CYP7B1: variants seen among roughly 807,000 people sequenced by gnomAD.
CYP7B1 encodes cytochrome P450 family 7 subfamily B member 1, also known as cytochrome P450 7B1.
A neutral mutation model predicts 42.7 loss-of-function variants in CYP7B1; 29 were observed. That is an observed-to-expected ratio of 0.68 (90% CI 0.51 to 0.93). The LOEUF is 0.93. CYP7B1 is among the 40% of genes least tolerant of loss of function. CYP7B1 has a pLI of 0.00. For synonymous variants in CYP7B1, 235 were observed against 218.2 expected (o/e 1.08, Z -0.68); for missense variants, 655 against 600.5 (o/e 1.09, Z -0.95).
intron 1 of CYP7B1, among the ~76,000 whole-genome samples, chr8:64,650,201 A>G (rs1220609403): frequency 6.6e-6 from 1 of 152,228 alleles, no homozygotes; most frequent in African/African-American, 2.4e-5. Flanking sequence ...AGAAAAATAT[A>G]TAAGTTGGTT....
rs13278548 is a variant in CYP7B1 at position 64,595,365 on chromosome 8, G to A, written c.*1277C>T. Among the ~76,000 whole-genome samples the A allele has an allele frequency of 0.95, 144,004 of 152,350 alleles. 68,172 individuals carry two copies. Among genetic ancestry groups the A allele is most frequent in the African/African-American group, 0.99 (41,020 of 41,576 alleles). ...GTTTCCTTTTCTCAAAACAGTAGCA[G>A]ATTTCTGAAATATTAGAAGTTCCAA... On this transcript the variant is annotated 3_prime_UTR_variant, in exon 6 of 6. Transcript: ENST00000310193.
At chr8:64,781,010 A>T (rs898793982) in intron 1 of CYP7B1, among the ~76,000 whole-genome samples, 1 of 152,192 alleles carries the variant, frequency 6.6e-6, no homozygotes, top group Non-Finnish European at 1.5e-5. Flanking sequence ...TGCTAGATGC[A>T]TAACAAACAT....
chr8:64,674,023 T>A (rs1806406557), intron 1 of CYP7B1, among the ~76,000 whole-genome samples: 1 of 152,072 alleles, frequency 6.6e-6, no homozygotes, highest in Admixed American at 6.6e-5. Context: ...TTTTCACCCC[T>A]TCCCTCCACT....
At chr8:64,718,331 C>T (rs1807188462) in intron 1 of CYP7B1, among the ~76,000 whole-genome samples, 1 of 152,132 alleles carries the variant, frequency 6.6e-6, no homozygotes, top group Non-Finnish European at 1.5e-5. Flanking sequence ...TTCTGATGCA[C>T]ATCTGTAAGA....
At chr8:64,785,508 T>C (rs1034975436) in intron 1 of CYP7B1, among the ~76,000 whole-genome samples, 4 of 152,166 alleles carry the variant, frequency 2.6e-5, no homozygotes, top group African/African-American at 9.7e-5. Context: ...CTATGTAATT[T>C]AGAATAATTG....
chr8:64,725,932 C>T (rs981818987), intron 1 of CYP7B1, among the ~76,000 whole-genome samples: 1 of 152,164 alleles, frequency 6.6e-6, no homozygotes, highest in South Asian at 2.1e-4. Flanking sequence ...CTCTGCTCAC[C>T]ACAACAATCC....
intron 4 of CYP7B1, among the ~76,000 whole-genome samples, chr8:64,612,804 C>T (rs1459168755): frequency 1.3e-5 from 2 of 151,888 alleles, no homozygotes; most frequent in Non-Finnish European, 2.9e-5. Context: ...GAACTCTTTC[C>T]TTAAGAAGAC....
chr8:64,707,871 CT>C (rs2129632604), intron 1 of CYP7B1, among the ~76,000 whole-genome samples: 1 of 152,110 alleles, frequency 6.6e-6, no homozygotes, highest in East Asian at 1.9e-4. Context: ...AAAGTATACT[CT>C]CTGGAAATAG....
chr8:64,677,870 GTTA>G (rs1806475608), intron 1 of CYP7B1, among the ~76,000 whole-genome samples: 1 of 151,946 alleles, frequency 6.6e-6, no homozygotes. Context: ...TCTCATTGTT[GTTA>G]TTATTACTGA....
chr8:64,680,594 C>T (rs1370398902), intron 1 of CYP7B1, among the ~76,000 whole-genome samples: 1 of 151,826 alleles, frequency 6.6e-6, no homozygotes, highest in Admixed American at 6.6e-5. Context: ...ATGGGCCCTT[C>T]GAAAATTAAA....
chr8:64,720,906 A>G (rs1277189769), intron 1 of CYP7B1, among the ~76,000 whole-genome samples: 3 of 151,968 alleles, frequency 2.0e-5, no homozygotes, highest in African/African-American at 7.2e-5. Flanking sequence ...GATTTAATCT[A>G]TTTGTAAATT....
rs146215971 is a variant in CYP7B1 at position 64,610,127 on chromosome 8, T to C, written c.1057+4899A>G. Reference sequence around the variant, plus strand: ...AGTTGATATTTAGATCTAAATACAATAATTTGCATTTTAATTAAAGTTGCT... The same window carrying C: ...AGTTGATATTTAGATCTAAATACAACAATTTGCATTTTAATTAAAGTTGCT... On this transcript the variant is annotated intron_variant, in intron 4 of 5. Coordinates refer to ENST00000310193, the MANE Select transcript of CYP7B1 (RefSeq NM_004820.5). Among the ~76,000 whole-genome samples the C allele has an allele frequency of 7.9e-5, 12 of 152,346 alleles. No homozygotes were observed. The East Asian group carries it at 1.5e-3, about 20-fold the overall frequency.
chr8:64,732,262 G>A (rs1462402141), intron 1 of CYP7B1, among the ~76,000 whole-genome samples: 1 of 152,204 alleles, frequency 6.6e-6, no homozygotes, highest in South Asian at 2.1e-4. Flanking sequence ...AGGCAGAGCT[G>A]CCCAAAGCCA....
chr8:64,613,112 C>G (rs73237764), intron 4 of CYP7B1, among the ~76,000 whole-genome samples: 3,330 of 152,260 alleles, frequency 0.022, 106 homozygotes, highest in African/African-American at 0.072. Context: ...TAACCAAGGT[C>G]GTGATGAACC....
At chr8:64,685,719 A>G (rs1404599721) in intron 1 of CYP7B1, among the ~76,000 whole-genome samples, 1 of 45,536 alleles carries the variant, frequency 2.2e-5, no homozygotes, top group African/African-American at 6.7e-5. Context: ...CAGCCACCCC[A>G]TCTGGGAAGT....
At chr8:64,718,990 G>T (rs753958271) in intron 1 of CYP7B1, among the ~76,000 whole-genome samples, 4 of 152,156 alleles carry the variant, frequency 2.6e-5, no homozygotes, top group Non-Finnish European at 5.9e-5. Flanking sequence ...TAGTTGTGAG[G>T]TCACTGGAAC....
intron 1 of CYP7B1, among the ~76,000 whole-genome samples, chr8:64,730,236 T>G (rs993016152): frequency 1.3e-5 from 2 of 152,044 alleles, no homozygotes; most frequent in African/African-American, 2.4e-5. Flanking sequence ...TAATTTTTTT[T>G]TTTTTGTATT....
rs121908613 is a variant in CYP7B1, at chr8:64,615,716, A to T, written c.825T>A (p.Tyr275Ter). The T allele has an allele frequency of 5.2e-5, 84 of 1,613,554 alleles. No individual in the cohort carries two copies. The highest frequency in any genetic ancestry group is 8.3e-5 in the Admixed American group (5 of 59,978). ...QSRQDVLEKY[Y>*]VHEDLEIGAH... ...CTCCTATTTCAAGGTCCTCGTGCAC[A>T]TAATATTTCTCCAGGACATCTTGCC... is the stretch of plus-strand genomic sequence containing the variant. Residue 275 changes from tyrosine to a stop codon, truncating the protein, a stop_gained, in exon 3 of 6, where the codon TAT (tyrosine) becomes TAA (stop). Coordinates refer to ENST00000310193, the MANE Select transcript of CYP7B1 (RefSeq NM_004820.5). LOFTEE classifies it high-confidence loss of function.
chr8:64,783,795 G>A (rs13259721), intron 1 of CYP7B1, among the ~76,000 whole-genome samples: 16,508 of 152,130 alleles, frequency 0.11, 1,156 homozygotes, highest in Non-Finnish European at 0.16. Context: ...AAAGTGCAGG[G>A]CTAACTAGTA....
Sources: gnomAD v4.1 joint callset for allele counts (sites outside exome capture counted in the v4.1 genomes callset) on GRCh38, gnomAD v4.1.1 for gene constraint, MANE v1.5 for transcripts, NCBI Gene and HGNC (gene_info 2026-07-23, HGNC 2026-07-21) for gene names.